SEMA6D: variants seen among roughly 807,000 people sequenced by gnomAD.
SEMA6D encodes the protein semaphorin-6D.
SEMA6D carries 35 observed loss-of-function variants against 106.6 expected under a neutral mutation model. That is an observed-to-expected ratio of 0.33 (90% CI 0.25 to 0.44). The LOEUF (loss-of-function observed/expected upper bound fraction) is 0.44. SEMA6D is among the 20% of genes least tolerant of loss of function. The probability of loss-of-function intolerance (pLI) is 1.00; values close to 1 mark genes in which losing one functional copy is unlikely to be tolerated. For missense variants in SEMA6D, 1,185 were observed against 1,345.9 expected (o/e 0.88, Z 1.87); for synonymous variants, 499 against 487.7 (o/e 1.02, Z -0.31).
At chr15:47,476,459 A>G (rs540353772) in intron 3 of SEMA6D, among the ~76,000 whole-genome samples, 9 of 152,296 alleles carry the variant, frequency 5.9e-5, no homozygotes, top group African/African-American at 9.6e-5. Context: ...ACAGAAACCA[A>G]TGGTGGAGCT....
At chr15:47,333,005 A>G (rs2037403744) in intron 1 of SEMA6D, among the ~76,000 whole-genome samples, 1 of 152,206 alleles carries the variant, frequency 6.6e-6, no homozygotes, top group Non-Finnish European at 1.5e-5. Flanking sequence ...ATCAAACAAG[A>G]ACTTATTGTA....
intron 1 of SEMA6D, among the ~76,000 whole-genome samples, chr15:47,350,903 G>A (rs926292008): frequency 6.6e-6 from 1 of 152,172 alleles, no homozygotes; most frequent in African/African-American, 2.4e-5. Context: ...TATATCATAT[G>A]TATGACATGC....
chr15:47,771,927 A>G lies in SEMA6D; in HGVS notation c.*142A>G, dbSNP rs2082647621. The stretch of plus-strand genomic sequence containing the variant: ...AAAGAAACTCTTTCTAACTTTGGCA[A>G]CATCAGAACTTGCCACATGTAGCTA... On this transcript the variant is annotated 3_prime_UTR_variant, in exon 19 of 19. Transcript: ENST00000536845. 5.8e-6 allele frequency: 5 copies of G among 863,760 alleles called. No individual in the cohort carries two copies. The highest frequency in any genetic ancestry group is 3.5e-5 in the South Asian group (2 of 56,694). 53.5% of individuals were successfully genotyped at this position (863,760 alleles called of 1,614,324 possible). A position where few individuals can be genotyped will look rare whatever the true frequency, so the allele number is the denominator to read the frequency against.
rs553224662 is a variant in SEMA6D, at chr15:47,261,762, A to G, written c.-239+77344A>G. Reference sequence around the variant, plus strand: ...ATTTTTTACATTTCATGTAAATAGAATAATATAATAGTGTGTTTTCTGACT... The same window carrying G: ...ATTTTTTACATTTCATGTAAATAGAGTAATATAATAGTGTGTTTTCTGACT... On this transcript the variant is annotated intron_variant, in intron 1 of 19. Transcript: ENST00000558014. Among the ~76,000 whole-genome samples, 17 of 152,286 alleles carry G rather than the reference A, an allele frequency of 1.1e-4. No individual in the cohort carries two copies. The South Asian group carries it at 3.3e-3, about 30-fold the overall frequency.
chr15:47,690,558 C>T (rs922972114), intron 4 of SEMA6D, among the ~76,000 whole-genome samples: 2 of 152,076 alleles, frequency 1.3e-5, no homozygotes, highest in African/African-American at 4.8e-5. Flanking sequence ...ATTTCAAAAT[C>T]ATTTTTTTCT....
chr15:47,591,888 T>G (rs983770259), intron 3 of SEMA6D, among the ~76,000 whole-genome samples: 3 of 152,052 alleles, frequency 2.0e-5, no homozygotes, highest in Non-Finnish European at 4.4e-5. Flanking sequence ...GAGAGAGAGC[T>G]TGGGGAGAAT....
Position 47,653,187 on chromosome 15 carries a change from G to A in SEMA6D, c.-55+52291G>A, listed in dbSNP as rs1373061212. On this transcript the variant is annotated intron_variant, in intron 4 of 19. Transcript: ENST00000558014. ...TTGCAAGGAAAATGCAAGATAATGAGAAATTTTCTTAAATCAAGGCTGAAT... is the reference window on the plus strand; with the variant it reads ...TTGCAAGGAAAATGCAAGATAATGAAAAATTTTCTTAAATCAAGGCTGAAT... Among the ~76,000 whole-genome samples the A allele has an allele frequency of 4.6e-5, 7 of 152,266 alleles. No individual in the cohort carries two copies. The South Asian group carries it at 1.2e-3, about 27-fold the overall frequency.
chr15:47,712,548 T>C (rs2079040873), upstream of SEMA6D, among the ~76,000 whole-genome samples: 1 of 152,228 alleles, frequency 6.6e-6, no homozygotes, highest in Non-Finnish European at 1.5e-5. Flanking sequence ...AGTCAGTTCC[T>C]TCTCCCTTTG....
chr15:47,599,967 C>A (rs1196914766), intron 3 of SEMA6D, among the ~76,000 whole-genome samples: 4 of 151,818 alleles, frequency 2.6e-5, no homozygotes, highest in Non-Finnish European at 5.9e-5. Flanking sequence ...CTTCCAGTTC[C>A]TAGGGAATTT....
At chr15:47,450,070 T>C (rs1027565892) in intron 2 of SEMA6D, among the ~76,000 whole-genome samples, 3 of 152,096 alleles carry the variant, frequency 2.0e-5, no homozygotes, top group African/African-American at 7.2e-5. Flanking sequence ...AATTGCCTTT[T>C]AAAAAATAGG....
chr15:47,313,710 G>A (rs1022631992), intron 1 of SEMA6D, among the ~76,000 whole-genome samples: 5 of 152,050 alleles, frequency 3.3e-5, no homozygotes, highest in African/African-American at 7.2e-5. Context: ...TACTAAAGGC[G>A]AACACCACCA....
At chr15:47,723,412 G>C (rs1248132823) in intron 1 of SEMA6D, among the ~76,000 whole-genome samples, 1 of 152,132 alleles carries the variant, frequency 6.6e-6, no homozygotes, top group African/African-American at 2.4e-5. Context: ...GTCCGGGTGT[G>C]ATTGACATTC....
Position 47,771,231 on chromosome 15 carries a change from A to T in SEMA6D, c.2668A>T (p.Asn890Tyr). ...NDLLKHLNDP[N>Y]SNPKAIMGDI... ...TCTCCTGAAGCATCTGAATGACCCA[A>T]ATAGTAACCCCAAAGCCATCATGGG... Residue 890 changes from asparagine (N) to tyrosine (Y), a missense_variant, in exon 19 of 19, where the codon AAT becomes TAT. Physicochemically the swap from Asn to Tyr is moderately radical, Grantham distance 143. This residue lies in a region of SEMA6D where 750 missense variants were observed against 783.5 expected (regional missense o/e 0.96). Coordinates refer to ENST00000536845, the MANE Select transcript of SEMA6D (RefSeq NM_001358351.3). 3 of 1,614,044 alleles carry T rather than the reference A, an allele frequency of 1.9e-6. No individual in the cohort carries two copies. The highest frequency in any genetic ancestry group is 2.5e-6 in the Non-Finnish European group (3 of 1,179,958).
chr15:47,551,849 T>C (rs1735336250), intron 3 of SEMA6D, among the ~76,000 whole-genome samples: 1 of 152,148 alleles, frequency 6.6e-6, no homozygotes, highest in Admixed American at 6.5e-5. Flanking sequence ...CAAATAAACA[T>C]GTTGCTATGA....
At chr15:47,739,677 A>C (rs1189924779) in intron 1 of SEMA6D, among the ~76,000 whole-genome samples, 1 of 152,216 alleles carries the variant, frequency 6.6e-6, no homozygotes, top group East Asian at 1.9e-4. Flanking sequence ...TGTCTCTACT[A>C]CTAGGAAAAG....
At chr15:47,203,665 T>C (rs1181821279) in intron 1 of SEMA6D, among the ~76,000 whole-genome samples, 2 of 152,208 alleles carry the variant, frequency 1.3e-5, no homozygotes, top group East Asian at 1.9e-4. Context: ...ACATTTGTTA[T>C]GCTTTTCTCT....
intron 1 of SEMA6D, among the ~76,000 whole-genome samples, chr15:47,248,947 GC>G (rs1272222187): frequency 7.9e-5 from 12 of 152,102 alleles, no homozygotes; most frequent in African/African-American, 2.9e-4. Flanking sequence ...AGTGGACTAG[GC>G]CAGGCACGGT....
chr15:47,424,953 G>C (rs1449551247), intron 2 of SEMA6D, among the ~76,000 whole-genome samples: 1 of 151,992 alleles, frequency 6.6e-6, no homozygotes, highest in East Asian at 1.9e-4. Flanking sequence ...TGATTTTTAG[G>C]GGAGTCAAAT....
At chr15:47,436,935 G>GA (rs1247771454) in intron 2 of SEMA6D, among the ~76,000 whole-genome samples, 118 of 99,472 alleles carry the variant, frequency 1.2e-3, no homozygotes, top group South Asian at 3.3e-3. Flanking sequence ...TTCTGTTTCA[G>GA]AAAAAAAAAA....
Sources: gnomAD v4.1 joint callset for allele counts (sites outside exome capture counted in the v4.1 genomes callset) on GRCh38, gnomAD v4.1.1 for gene constraint, gnomAD v4.1.1 regional missense constraint, MANE v1.5 for transcripts, NCBI Gene and HGNC (gene_info 2026-07-23, HGNC 2026-07-21) for gene names.